CDC20B: variants seen among roughly 807,000 people sequenced by gnomAD.
The protein encoded by CDC20B is cell division cycle protein 20 homolog B.
In CDC20B, 58 loss-of-function variants were observed where a neutral mutation model predicts 64.1. That is an observed-to-expected ratio of 0.90 (90% confidence interval 0.73 to 1.13). The LOEUF is 1.13. Ranked by LOEUF, CDC20B falls within the 50% of genes most tolerant of loss-of-function variation. CDC20B has a pLI of 0.00. For synonymous variants in CDC20B, 243 were observed against 230.6 expected, an observed-to-expected ratio of 1.05 and a Z score of -0.49; for missense variants, 597 against 633.0, an observed-to-expected ratio of 0.94 and a Z score of 0.61.
chr5:55,147,212 TTA>T lies in CDC20B; in HGVS notation c.127-358_127-357del, dbSNP rs1242632672. ...TATATATTATATAAACATAAATATG[TTA>T]TGTTTTATATATTTATATATTATAT... On this transcript the variant is annotated intron_variant, in intron 2 of 11. Coordinates refer to ENST00000381375, the MANE Select transcript of CDC20B (RefSeq NM_001170402.1). Among the ~76,000 whole-genome samples, 103 of 57,072 alleles carry T rather than the reference TTA, an allele frequency of 1.8e-3. 1 individual carries two copies. The highest frequency in any genetic ancestry group is 5.8e-3 in the Admixed American group (22 of 3,816). 37.4% of individuals were successfully genotyped at this position (57,072 alleles called of 152,430 possible).
chr5:55,128,713 C>A (rs1313599463), intron 6 of CDC20B, 96 bp from the exon 7 acceptor site: 5 of 858,320 alleles, frequency 5.8e-6, no homozygotes, highest in Non-Finnish European at 8.4e-6. Context: ...AGAATAATAC[C>A]ATCCCCATGG....
At chr5:55,137,454 T>C (rs1743211565) in intron 5 of CDC20B, 2 of 437,288 alleles carry the variant, frequency 4.6e-6, no homozygotes, top group Non-Finnish European at 9.2e-6. Context: ...TGGATAACAT[T>C]TGTCCCCGTG....
At chr5:55,153,113 C>T (rs866316062) in intron 2 of CDC20B, among the ~76,000 whole-genome samples, 16 of 151,802 alleles carry the variant, frequency 1.1e-4, no homozygotes, top group Non-Finnish European at 2.4e-4. Flanking sequence ...GTGGTGTGTG[C>T]CTATAGTCCC....
At chr5:55,131,845 AC>A (rs980225820) in intron 6 of CDC20B, among the ~76,000 whole-genome samples, 4 of 152,192 alleles carry the variant, frequency 2.6e-5, no homozygotes, top group African/African-American at 9.6e-5. Context: ...CAGGCGGATC[AC>A]TTGAGGTCAG....
intron 5 of CDC20B, among the ~76,000 whole-genome samples, chr5:55,138,948 G>A (rs936689521): frequency 6.2e-5 from 9 of 145,084 alleles, no homozygotes; most frequent in Non-Finnish European, 1.4e-4. Context: ...AAAAATAAAT[G>A]ACAATAAAAA....
At chr5:55,137,994 T>C (rs1402259279) in intron 5 of CDC20B, among the ~76,000 whole-genome samples, 3 of 151,894 alleles carry the variant, frequency 2.0e-5, no homozygotes, top group Non-Finnish European at 4.4e-5. Context: ...ACTGTCAAGT[T>C]CCCACACATA....
At chr5:55,134,598 C>CA (rs1743114404) in intron 5 of CDC20B, among the ~76,000 whole-genome samples, 1 of 152,090 alleles carries the variant, frequency 6.6e-6, no homozygotes, top group Non-Finnish European at 1.5e-5. Context: ...CCTGTCACTA[C>CA]AAAAAATGCA....
intron 11 of CDC20B, among the ~76,000 whole-genome samples, chr5:55,119,576 T>C (rs1742707279): frequency 1.3e-5 from 2 of 152,172 alleles, no homozygotes; most frequent in South Asian, 2.1e-4. Context: ...CATATACATA[T>C]GCAAGGAGGA....
At chr5:55,117,713 A>C (rs72766130) in intron 11 of CDC20B, among the ~76,000 whole-genome samples, 25,620 of 152,102 alleles carry the variant, frequency 0.17, 2,460 homozygotes, top group South Asian at 0.3. Context: ...TCAAGATGTC[A>C]CCCACTACAG....
intron 6 of CDC20B, among the ~76,000 whole-genome samples, chr5:55,129,628 C>T (rs1742978867): frequency 6.6e-6 from 1 of 152,168 alleles, no homozygotes; most frequent in African/African-American, 2.4e-5. Flanking sequence ...AGCCTTACCC[C>T]TAAATCACCT....
chr5:55,153,239 A>AT (rs1491349942), intron 2 of CDC20B, among the ~76,000 whole-genome samples: 2 of 57,398 alleles, frequency 3.5e-5, no homozygotes, highest in South Asian at 1.1e-3. Context: ...ACCTTGTCTC[A>AT]TAAAAAAAAA....
chr5:55,118,319 G>A (rs1742671225), intron 11 of CDC20B, among the ~76,000 whole-genome samples: 1 of 152,070 alleles, frequency 6.6e-6, no homozygotes, highest in African/African-American at 2.4e-5. Flanking sequence ...GAGTGTCTAA[G>A]AGCTCAAAAG....
At chr5:55,125,127 C>T in intron 8 of CDC20B, 99 bp from the exon 9 acceptor site, 2 of 877,996 alleles carry the variant, frequency 2.3e-6, no homozygotes, top group Admixed American at 2.4e-5. Flanking sequence ...CTGAAAGACC[C>T]CTAGGACAGA....
chr5:55,169,498 C>A (rs1052723059), intron 2 of CDC20B, among the ~76,000 whole-genome samples: 3 of 152,190 alleles, frequency 2.0e-5, no homozygotes, highest in Non-Finnish European at 4.4e-5. Flanking sequence ...GGTCAAAATG[C>A]CTCCAAGGTA....
intron 5 of CDC20B, chr5:55,136,778 A>T (rs995171817): frequency 2.0e-5 from 3 of 152,178 alleles, no homozygotes; most frequent in African/African-American, 7.2e-5. Context: ...TCTCACACAG[A>T]ATTCTGGCTC....
At chr5:55,168,528 A>G (rs1744489436) in intron 2 of CDC20B, among the ~76,000 whole-genome samples, 1 of 151,974 alleles carries the variant, frequency 6.6e-6, no homozygotes, top group Non-Finnish European at 1.5e-5. Flanking sequence ...TCATCTCTTT[A>G]ACATATTTTT....
At chr5:55,140,266 C>A in intron 5 of CDC20B, 48 bp downstream of exon 5, 3 of 1,061,304 alleles carry the variant, frequency 2.8e-6, no homozygotes, top group South Asian at 1.6e-5. Context: ...ATGAAGGAGG[C>A]AGAGAGAGAG....
rs1182751483 is a variant in CDC20B at position 55,114,883 on chromosome 5, A to G, written c.1460-565T>C. ...ATCCTTAATGACATCTCCAAATGCAATATTTCTGAATAGGTCCCAGTCTGA... is the reference window on the plus strand; with the variant it reads ...ATCCTTAATGACATCTCCAAATGCAGTATTTCTGAATAGGTCCCAGTCTGA... On this transcript the variant is annotated intron_variant, in intron 11 of 11. Transcript: ENST00000381375. The surrounding 1 kb of genome is among the most constrained non-coding windows in gnomAD (Gnocchi z 4.1). 1.3e-5 allele frequency among the ~76,000 whole-genome samples: 2 copies of G among 152,136 alleles called. No individual in the cohort carries two copies. Among genetic ancestry groups the G allele is most frequent in the Non-Finnish European group, 2.9e-5 (2 of 68,024 alleles).
At chr5:55,164,074 A>G in intron 2 of CDC20B, 2 of 1,591,978 alleles carry the variant, frequency 1.3e-6, no homozygotes, top group South Asian at 2.3e-5. Flanking sequence ...AGAAGGAACC[A>G]AGGTGGAATT....
Sources: allele counts gnomAD v4.1 joint callset (sites outside exome capture counted in the v4.1 genomes callset), GRCh38; gene constraint gnomAD v4.1.1; non-coding constraint Gnocchi (gnomAD v3.1); transcripts MANE v1.5; gene names NCBI Gene and HGNC (gene_info 2026-07-23, HGNC 2026-07-21).